Variants in TENM1 observed in about 807,000 individuals in gnomAD.
The protein encoded by TENM1 is teneurin-1.
A neutral mutation model predicts 174.8 loss-of-function variants in TENM1; 35 were observed. The observed-to-expected ratio is 0.20, with a 90% CI of 0.15 to 0.27. The LOEUF is 0.27. Ranked by LOEUF, TENM1 falls within the 10% of genes least tolerant of loss-of-function variation. The probability of loss-of-function intolerance (pLI) is 1.00; values close to 1 mark genes in which losing one functional copy is unlikely to be tolerated. For missense variants in TENM1, 1,633 were observed against 2,130.1 expected, an observed-to-expected ratio of 0.77 and a Z score of 4.59; for synonymous variants, 781 against 798.7, an observed-to-expected ratio of 0.98 and a Z score of 0.37.
At chrX:125,101,188 C>A in the TENM1 span, among the ~76,000 whole-genome samples, 1 of 111,785 alleles carries the variant, frequency 8.9e-6, no homozygotes, top group Admixed American at 9.5e-5. Flanking sequence ...ACAAATTAAC[C>A]AGATATTTTT....
At chrX:124,914,648 A>ATG (rs200503119) in intron 1 of TENM1, among the ~76,000 whole-genome samples, 2,196 of 111,640 alleles carry the variant, frequency 0.02, 44 homozygotes, top group African/African-American at 0.068. Context: ...CAGGCCAGAA[A>ATG]CCTAGGCATC....
At chrX:124,904,344 T>C (rs1191589887) in intron 1 of TENM1, among the ~76,000 whole-genome samples, 1 of 111,623 alleles carries the variant, frequency 9.0e-6, no homozygotes, top group African/African-American at 3.3e-5. Flanking sequence ...CATTCTAAGG[T>C]GGTATTGCCA....
chrX:125,188,485 T>G, the TENM1 span, among the ~76,000 whole-genome samples: 7 of 112,416 alleles, frequency 6.2e-5, no homozygotes, highest in Non-Finnish European at 9.4e-5. Flanking sequence ...TTAATTAACC[T>G]TATGGTCCCA....
chrX:124,474,016 C>T (rs191352834), intron 22 of TENM1, among the ~76,000 whole-genome samples: 2 of 111,237 alleles, frequency 1.8e-5, no homozygotes, highest in East Asian at 5.7e-4. Flanking sequence ...GAATTCCATC[C>T]TACCTTGACT....
At chrX:124,955,420 C>CT (rs2058556134) in intron 1 of TENM1, among the ~76,000 whole-genome samples, 1 of 72 alleles carries the variant, frequency 0.014, no homozygotes, top group Non-Finnish European at 0.026. Context: ...GTGTTACTGT[C>CT]TATTATTTGA....
chrX:125,120,112 G>C, the TENM1 span, among the ~76,000 whole-genome samples: 1 of 111,402 alleles, frequency 9.0e-6, no homozygotes, highest in African/African-American at 3.3e-5. Flanking sequence ...TCACCTTAAG[G>C]TTCCCTTGAG....
At chrX:125,160,393 T>C in the TENM1 span, among the ~76,000 whole-genome samples, 1 of 101,960 alleles carries the variant, frequency 9.8e-6, no homozygotes, top group African/African-American at 3.6e-5. Context: ...CTGGGCGTGG[T>C]AGCGCATGCC....
chrX:124,809,827 A>G (rs1399728897), intron 3 of TENM1, among the ~76,000 whole-genome samples: 1 of 95,257 alleles, frequency 1.0e-5, no homozygotes, highest in Non-Finnish European at 2.1e-5. Flanking sequence ...AGCAAGGCAT[A>G]TCTTACATGA....
At chrX:125,005,714 G>T in the TENM1 span, among the ~76,000 whole-genome samples, 1 of 110,088 alleles carries the variant, frequency 9.1e-6, no homozygotes, top group African/African-American at 3.3e-5. Flanking sequence ...TTAGACAGTG[G>T]GTGCGACCCA....
intron 25 of TENM1, 30 bp from the exon 29 acceptor site, chrX:124,406,519 A>C (rs2060464438): frequency 9.1e-7 from 1 of 1,099,991 alleles, no homozygotes; most frequent in African/African-American, 1.8e-5. Flanking sequence ...CCAGCTTTGA[A>C]GCGTCTCGGC....
At chrX:125,185,042 C>T in the TENM1 span, among the ~76,000 whole-genome samples, 1 of 109,402 alleles carries the variant, frequency 9.1e-6, no homozygotes, top group East Asian at 2.8e-4. Context: ...CCCAAAGTTG[C>T]TCAATACCTG....
At chrX:124,402,699 A>G (rs1421779515) in intron 27 of TENM1, among the ~76,000 whole-genome samples, 1 of 111,891 alleles carries the variant, frequency 8.9e-6, no homozygotes, top group Non-Finnish European at 1.9e-5. Context: ...CCAAAGTCAC[A>G]TAGTATATGA....
At chrX:125,104,041 C>T in the TENM1 span, among the ~76,000 whole-genome samples, 2 of 111,480 alleles carry the variant, frequency 1.8e-5, no homozygotes, top group Non-Finnish European at 3.8e-5. Context: ...TTATGATGCA[C>T]GTTAGAAAAT....
At chrX:124,616,124 T>C (rs771353492) in intron 11 of TENM1, among the ~76,000 whole-genome samples, 24 of 113,004 alleles carry the variant, frequency 2.1e-4, no homozygotes, top group African/African-American at 7.4e-4. Context: ...AGTTATTATA[T>C]TGGATATCTG....
chrX:125,148,488 C>G, the TENM1 span, among the ~76,000 whole-genome samples: 2 of 111,564 alleles, frequency 1.8e-5, no homozygotes, highest in Non-Finnish European at 3.8e-5. Flanking sequence ...CTTCTCTGCT[C>G]TCTTCTTATT....
intron 3 of TENM1, among the ~76,000 whole-genome samples, chrX:124,756,563 G>A (rs777681111): frequency 0.01 from 1,084 of 105,459 alleles, 7 homozygotes; most frequent in Middle Eastern, 0.024. Flanking sequence ...GAGGAGAGGC[G>A]CTCTGCTTTT....
chrX:124,768,098 G>A (rs1484132724), intron 3 of TENM1, among the ~76,000 whole-genome samples: 1 of 111,695 alleles, frequency 9.0e-6, no homozygotes, highest in East Asian at 2.8e-4. Context: ...CACAGCTGGA[G>A]AAGTGTGAAC....
chrX:124,860,945 A>G (rs2056900996), intron 3 of TENM1, among the ~76,000 whole-genome samples: 1 of 111,735 alleles, frequency 8.9e-6, no homozygotes, highest in African/African-American at 3.3e-5. Context: ...AGTAAAACAG[A>G]AACATCTTGA....
chrX:124,931,428 C>T (rs948433705), intron 1 of TENM1, among the ~76,000 whole-genome samples: 1 of 110,799 alleles, frequency 9.0e-6, no homozygotes, highest in Non-Finnish European at 1.9e-5. Flanking sequence ...GTGACAGCTG[C>T]CATAGGAAAA....
Sources: gnomAD v4.1 joint callset for allele counts (sites outside exome capture counted in the v4.1 genomes callset) on GRCh38, gnomAD v4.1.1 for gene constraint, MANE v1.5 for transcripts, NCBI Gene and HGNC (gene_info 2026-07-23, HGNC 2026-07-21) for gene names.